The following GRIA2 variants were observed in gnomAD, a reference collection of about 807,000 sequenced individuals.
GRIA2 encodes glutamate receptor 2.
A neutral mutation model predicts 97.3 loss-of-function variants in GRIA2; 14 were observed. That is an observed-to-expected ratio of 0.14 (90% CI 0.10 to 0.23). GRIA2 has a LOEUF of 0.23. GRIA2 is among the 10% of genes least tolerant of loss of function. The pLI, the probability that GRIA2 is intolerant of heterozygous loss-of-function variation, is 1.00. For synonymous variants in GRIA2, 412 were observed against 387.8 expected (o/e 1.06, Z -0.73); for missense variants, 558 against 1,069.8 (o/e 0.52, Z 6.67).
chr4:157,316,701 G>A (rs912071584), intron 4 of GRIA2, among the ~76,000 whole-genome samples: 2 of 152,154 alleles, frequency 1.3e-5, no homozygotes, highest in Non-Finnish European at 2.9e-5. Context: ...AAACTTGCAA[G>A]ATCATTGGAC....
intron 2 of GRIA2, among the ~76,000 whole-genome samples, chr4:157,267,104 GA>G (rs779734902): frequency 6.6e-6 from 1 of 151,400 alleles, no homozygotes; most frequent in Non-Finnish European, 1.5e-5. Flanking sequence ...GAGAATCTAG[GA>G]AAAAAAGGAT....
At chr4:157,252,061 ACACT>A (rs1731043854) in intron 2 of GRIA2, among the ~76,000 whole-genome samples, 1 of 152,158 alleles carries the variant, frequency 6.6e-6, no homozygotes, top group Non-Finnish European at 1.5e-5. Flanking sequence ...TCCCTGCCAC[ACACT>A]CACAAAAAAT....
intron 2 of GRIA2, among the ~76,000 whole-genome samples, chr4:157,274,506 A>G (rs1338436818): frequency 6.7e-6 from 1 of 148,196 alleles, no homozygotes; most frequent in Non-Finnish European, 1.5e-5. Flanking sequence ...TCCTAATGCT[A>G]TCCATCCCCC....
intron 6 of GRIA2, among the ~76,000 whole-genome samples, chr4:157,329,517 T>C (rs545263853): frequency 3.4e-4 from 52 of 152,020 alleles, no homozygotes; most frequent in Non-Finnish European, 3.4e-4. Flanking sequence ...ATTAAACAGT[T>C]AAACTGTTAT....
At chr4:157,311,974 A>C (rs1734101754) in intron 3 of GRIA2, among the ~76,000 whole-genome samples, 1 of 152,114 alleles carries the variant, frequency 6.6e-6, no homozygotes, top group South Asian at 2.1e-4. Context: ...GCTATAAGCA[A>C]AGTTACTAAC....
intron 2 of GRIA2, among the ~76,000 whole-genome samples, chr4:157,270,899 A>T (rs2126789053): frequency 6.7e-6 from 1 of 150,336 alleles, no homozygotes; most frequent in Admixed American, 6.6e-5. Context: ...TTAAAAAAAT[A>T]TTGTACATTA....
intron 2 of GRIA2, among the ~76,000 whole-genome samples, chr4:157,230,687 T>C (rs1053929442): frequency 6.6e-6 from 1 of 152,068 alleles, no homozygotes. Context: ...TTAGTTTGCA[T>C]GTCTGTGGTC....
In GRIA2 at chr4:157,297,720, G is replaced by A. The variant is rs150003344; in HGVS notation, c.230-5832G>A. 2.7e-3 allele frequency among the ~76,000 whole-genome samples: 410 copies of A among 152,176 alleles called. 3 individuals are homozygous for A. The highest frequency in any genetic ancestry group is 9.3e-3 in the African/African-American group (387 of 41,530). On this transcript the variant is annotated intron_variant, in intron 2 of 15. Coordinates refer to ENST00000264426, the MANE Select transcript of GRIA2 (RefSeq NM_001083619.3). The stretch of plus-strand genomic sequence containing the variant: ...AATAATCTCTCTGTGATATTTAATT[G>A]TTTAGATTAAAGTAATATGTGTTTA...
intron 2 of GRIA2, among the ~76,000 whole-genome samples, chr4:157,296,260 C>T (rs987526600): frequency 1.3e-5 from 2 of 152,060 alleles, no homozygotes; most frequent in African/African-American, 2.4e-5. Context: ...TTTAAACTAA[C>T]AGCTGTAATT....
intron 6 of GRIA2, among the ~76,000 whole-genome samples, chr4:157,331,723 T>C (rs1735057005): frequency 6.6e-6 from 1 of 151,942 alleles, no homozygotes; most frequent in Admixed American, 6.6e-5. Context: ...CTTTTTTCCA[T>C]GACAAGGAAG....
chr4:157,278,306 C>T (rs1732440141), intron 2 of GRIA2, among the ~76,000 whole-genome samples: 1 of 151,612 alleles, frequency 6.6e-6, no homozygotes, highest in Non-Finnish European at 1.5e-5. Context: ...ATAGAGAGCC[C>T]AGCAATAGAC....
intron 12 of GRIA2, 66 bp downstream of exon 12, chr4:157,341,528 C>A: frequency 9.2e-7 from 1 of 1,083,096 alleles, no homozygotes; most frequent in Non-Finnish European, 1.4e-6. Context: ...AACTTTGTTT[C>A]CCTCCCATAG....
chr4:157,293,187 A>G (rs1467387752), intron 2 of GRIA2, among the ~76,000 whole-genome samples: 1 of 152,132 alleles, frequency 6.6e-6, no homozygotes, highest in African/African-American at 2.4e-5. Flanking sequence ...TGACCAACCA[A>G]TCCTACTTTT....
chr4:157,271,864 T>G (rs1732041038), intron 2 of GRIA2, among the ~76,000 whole-genome samples: 1 of 152,098 alleles, frequency 6.6e-6, no homozygotes, highest in South Asian at 2.1e-4. Flanking sequence ...TTTTAGGAGT[T>G]GTTTGTCAAG....
At chr4:157,248,344 G>A (rs1334328571) in intron 2 of GRIA2, among the ~76,000 whole-genome samples, 5 of 150,130 alleles carry the variant, frequency 3.3e-5, no homozygotes, top group African/African-American at 1.2e-4. Context: ...TTATATTTAA[G>A]TAATACATTA....
intron 2 of GRIA2, among the ~76,000 whole-genome samples, chr4:157,301,371 A>G (rs1469623856): frequency 2.0e-5 from 3 of 152,244 alleles, no homozygotes; most frequent in Non-Finnish European, 4.4e-5. Context: ...GGGCATGAAT[A>G]AAAGACAGTT....
intron 12 of GRIA2, among the ~76,000 whole-genome samples, chr4:157,345,484 G>A (rs2126960117): frequency 6.6e-6 from 1 of 152,154 alleles, no homozygotes; most frequent in South Asian, 2.1e-4. Flanking sequence ...TCAATTATAA[G>A]CCACTATTTT....
chr4:157,304,356 T>G (rs1733746844), intron 3 of GRIA2, among the ~76,000 whole-genome samples: 1 of 152,162 alleles, frequency 6.6e-6, no homozygotes, highest in Admixed American at 6.6e-5. Flanking sequence ...CATAATTGTT[T>G]ATAATGGGAT....
intron 2 of GRIA2, among the ~76,000 whole-genome samples, chr4:157,241,688 T>C (rs1730519196): frequency 6.6e-6 from 1 of 152,124 alleles, no homozygotes; most frequent in Non-Finnish European, 1.5e-5. Context: ...TATCCACTTC[T>C]GAGATTGCCT....
Sources: gnomAD v4.1 joint callset for allele counts (sites outside exome capture counted in the v4.1 genomes callset) on GRCh38, gnomAD v4.1.1 for gene constraint, MANE v1.5 for transcripts, NCBI Gene and HGNC (gene_info 2026-07-23, HGNC 2026-07-21) for gene names.